DLG2: variants seen among roughly 807,000 people sequenced by gnomAD.
The protein encoded by DLG2 is disks large homolog 2.
DLG2 carries 45 observed loss-of-function variants against 132.5 expected under a neutral mutation model. That is an observed-to-expected ratio of 0.34 (90% CI 0.27 to 0.44). The LOEUF (loss-of-function observed/expected upper bound fraction) is 0.44, where lower values mean the gene tolerates loss of function less well. Among genes scored for constraint, DLG2 ranks in the 20% least tolerant of loss-of-function variants. The probability of loss-of-function intolerance (pLI) is 1.00; values close to 1 mark genes in which losing one functional copy is unlikely to be tolerated. For synonymous variants in DLG2, 424 were observed against 419.6 expected, an observed-to-expected ratio of 1.01 and a Z score of -0.13; for missense variants, 1,045 against 1,196.9, an observed-to-expected ratio of 0.87 and a Z score of 1.87.
intron 3 of DLG2, among the ~76,000 whole-genome samples, chr11:85,583,205 G>GC (rs2078733994): frequency 8.0e-6 from 1 of 125,008 alleles, no homozygotes; most frequent in Admixed American, 8.8e-5. Flanking sequence ...TCACTCTGTT[G>GC]CCCAGGCTGG....
At chr11:83,660,333 C>A (rs1224518816) in intron 18 of DLG2, among the ~76,000 whole-genome samples, 3 of 152,136 alleles carry the variant, frequency 2.0e-5, no homozygotes, top group Non-Finnish European at 4.4e-5. Flanking sequence ...CCATATGTGA[C>A]CCACAATTAT....
chr11:83,613,192 AGGAGCAGTGTACTATGGAGTCG>A (rs1413592946), intron 19 of DLG2, among the ~76,000 whole-genome samples: 1 of 152,186 alleles, frequency 6.6e-6, no homozygotes, highest in East Asian at 1.9e-4. Flanking sequence ...AAGGGGAGTG[AGGAGCAGTGTACTATGGAGTCG>A]GGAAGACTGG....
At chr11:85,400,532 C>A (rs2152962172) in intron 3 of DLG2, among the ~76,000 whole-genome samples, 1 of 149,402 alleles carries the variant, frequency 6.7e-6, no homozygotes, top group Admixed American at 6.7e-5. Flanking sequence ...GGAACCAACC[C>A]AAATGTCCGA....
chr11:84,763,824 A>G (rs374177517), intron 6 of DLG2, among the ~76,000 whole-genome samples: 1 of 152,150 alleles, frequency 6.6e-6, no homozygotes, highest in East Asian at 1.9e-4. Context: ...AAAATGTTTC[A>G]CATATATTGT....
At chr11:85,571,494 A>G (rs1344009799) in intron 3 of DLG2, among the ~76,000 whole-genome samples, 1 of 152,098 alleles carries the variant, frequency 6.6e-6, no homozygotes, top group Non-Finnish European at 1.5e-5. Flanking sequence ...TTCAACCCTC[A>G]TGCAAGCAGT....
At chr11:85,486,251 G>T (rs1330836567) in intron 3 of DLG2, among the ~76,000 whole-genome samples, 2 of 151,946 alleles carry the variant, frequency 1.3e-5, no homozygotes, top group Admixed American at 6.6e-5. Flanking sequence ...GCCCTGTGTG[G>T]GCTGCTGTGA....
chr11:85,399,930 T>C lies in DLG2; in HGVS notation c.41-114565A>G, dbSNP rs548807604. Among the ~76,000 whole-genome samples the C allele has an allele frequency of 1.4e-4, 22 of 152,174 alleles. 1 individual carries two copies. The South Asian group carries it at 3.3e-3, about 23-fold the overall frequency. On this transcript the variant is annotated intron_variant, in intron 3 of 27. Coordinates refer to ENST00000376104, the MANE Select transcript of DLG2 (RefSeq NM_001142699.3). ...GGCAACAAAAGCCAAAATTGACCAA[T>C]GGGATCTAATTAAACTCAAGAGCTT...
At chr11:84,640,270 C>T (rs1327826849) in intron 6 of DLG2, 2 of 329,450 alleles carry the variant, frequency 6.1e-6, no homozygotes, top group Non-Finnish European at 1.2e-5. Flanking sequence ...ACGAGGTCTG[C>T]ACATGCTCAC....
intron 18 of DLG2, among the ~76,000 whole-genome samples, chr11:83,742,602 T>A (rs1341983366): frequency 1.3e-5 from 2 of 152,182 alleles, no homozygotes; most frequent in Admixed American, 1.3e-4. Flanking sequence ...TTTGAAGGGA[T>A]TGAATTAGCT....
intron 12 of DLG2, among the ~76,000 whole-genome samples, chr11:83,972,042 T>C (rs1464770807): frequency 1.3e-5 from 2 of 152,096 alleles, no homozygotes; most frequent in Non-Finnish European, 2.9e-5. Context: ...AGTGGTGTCA[T>C]TATGAGACAC....
rs373195383 is a variant in DLG2, at chr11:84,726,346, T to G, written c.358-191615A>C. Among the ~76,000 whole-genome samples the G allele has an allele frequency of 7.9e-5, 12 of 152,254 alleles. No individual in the cohort carries two copies. In the East Asian group the frequency reaches 2.3e-3, roughly 29 times the overall value. On this transcript the variant is annotated intron_variant, in intron 6 of 27. Coordinates refer to ENST00000376104, the MANE Select transcript of DLG2 (RefSeq NM_001142699.3). ...GTTCTCATTGTTCAACTCCCACTTA[T>G]GAGTGAGAACATGCGGTGCTTGGTT...
At chr11:83,718,300 G>T (rs1429924355) in intron 18 of DLG2, among the ~76,000 whole-genome samples, 1 of 151,994 alleles carries the variant, frequency 6.6e-6, no homozygotes, top group Admixed American at 6.6e-5. Context: ...TCTTTTGGAG[G>T]CCAAGGCAGC....
At chr11:85,438,117 G>C (rs570858613) in intron 3 of DLG2, among the ~76,000 whole-genome samples, 1 of 152,252 alleles carries the variant, frequency 6.6e-6, no homozygotes, top group East Asian at 1.9e-4. Context: ...AGAAGAAAGA[G>C]AAGGATGGGA....
chr11:84,333,276 TCTG>T (rs2098469227), intron 7 of DLG2, among the ~76,000 whole-genome samples: 1 of 152,254 alleles, frequency 6.6e-6, no homozygotes, highest in African/African-American at 2.4e-5. Context: ...CTGTTAAACA[TCTG>T]CATTCCAAAT....
chr11:85,065,719 G>C (rs2064813744), intron 6 of DLG2, among the ~76,000 whole-genome samples: 2 of 150,718 alleles, frequency 1.3e-5, no homozygotes, highest in Admixed American at 6.6e-5. Flanking sequence ...AATAATCTTT[G>C]GGTGAACAAT....
intron 16 of DLG2, among the ~76,000 whole-genome samples, chr11:83,863,292 C>T (rs937633019): frequency 6.6e-6 from 1 of 152,150 alleles, no homozygotes; most frequent in Non-Finnish European, 1.5e-5. Flanking sequence ...TCCTGAAACT[C>T]TGCTCTGAAG....
intron 15 of DLG2, among the ~76,000 whole-genome samples, chr11:83,883,725 T>A (rs1242275862): frequency 6.6e-6 from 1 of 151,854 alleles, no homozygotes; most frequent in Non-Finnish European, 1.5e-5. Flanking sequence ...TAGCTATACA[T>A]CATTCTTCTA....
intron 6 of DLG2, among the ~76,000 whole-genome samples, chr11:84,952,014 G>A (rs1591749926): frequency 6.6e-6 from 1 of 152,130 alleles, no homozygotes; most frequent in African/African-American, 2.4e-5. Context: ...CTCCAGAGTG[G>A]TCCTCACTCA....
At chr11:84,296,936 T>G (rs776149561) in intron 7 of DLG2, among the ~76,000 whole-genome samples, 1 of 151,894 alleles carries the variant, frequency 6.6e-6, no homozygotes, top group Non-Finnish European at 1.5e-5. Flanking sequence ...ATGAAAGTAT[T>G]AGAGAAAGGG....
Sources: allele counts gnomAD v4.1 joint callset (sites outside exome capture counted in the v4.1 genomes callset), GRCh38; gene constraint gnomAD v4.1.1; transcripts MANE v1.5; gene names NCBI Gene and HGNC (gene_info 2026-07-23, HGNC 2026-07-21).